Variants in TMEM132D observed in about 807,000 individuals in gnomAD.
The protein encoded by TMEM132D is mature OL transmembrane protein.
In TMEM132D, 21 loss-of-function variants were observed where a neutral mutation model predicts 62.3. The ratio of observed to expected loss-of-function variants is 0.34; its 90% confidence interval spans 0.24 to 0.49. TMEM132D has a LOEUF of 0.49. TMEM132D is among the 20% of genes least tolerant of loss of function. The pLI is 0.99. For missense variants in TMEM132D, 1,346 were observed against 1,402.8 expected (o/e 0.96, Z 0.65); for synonymous variants, 621 against 575.6 (o/e 1.08, Z -1.13).
intron 5 of TMEM132D, among the ~76,000 whole-genome samples, chr12:129,206,405 C>T (rs528108504): frequency 6.6e-6 from 1 of 152,218 alleles, no homozygotes; most frequent in East Asian, 1.9e-4. Context: ...CAATGAGATA[C>T]CATCTCACAC....
intron 3 of TMEM132D, among the ~76,000 whole-genome samples, chr12:129,455,618 C>T (rs1873440055): frequency 6.6e-6 from 1 of 152,080 alleles, no homozygotes; most frequent in South Asian, 2.1e-4. Context: ...TGTATTATTA[C>T]CAGGAATTCT....
rs547422425 is a variant in TMEM132D, at chr12:129,770,144, T to G, written c.80-69446A>C. Among the ~76,000 whole-genome samples, 317 of 90,698 alleles carry G rather than the reference T, an allele frequency of 3.5e-3. 3 individuals are homozygous for G. The highest frequency in any genetic ancestry group is 0.017 in the African/African-American group (298 of 17,612). 59.5% of individuals were successfully genotyped at this position (90,698 alleles called of 152,430 possible). On this transcript the variant is annotated intron_variant, in intron 1 of 8. Coordinates refer to ENST00000422113, the MANE Select transcript of TMEM132D (RefSeq NM_133448.3). The stretch of plus-strand genomic sequence containing the variant: ...GATTCTTTGTGGGTTTTTTTGGTTG[T>G]TTTTTTTTTTTTTTTTTGAGATCAG...
chr12:129,403,462 T>TAA (rs1871680513), intron 3 of TMEM132D, among the ~76,000 whole-genome samples: 1 of 151,616 alleles, frequency 6.6e-6, no homozygotes, highest in Non-Finnish European at 1.5e-5. Context: ...GAAACGGCAT[T>TAA]AATGCATTTA....
At chr12:129,342,448 G>A (rs1869527160) in intron 3 of TMEM132D, among the ~76,000 whole-genome samples, 1 of 151,452 alleles carries the variant, frequency 6.6e-6, no homozygotes, top group African/African-American at 2.4e-5. Flanking sequence ...AGACTTACAT[G>A]TTAGACCTAA....
intron 4 of TMEM132D, among the ~76,000 whole-genome samples, chr12:129,309,586 C>T (rs554667373): frequency 9.9e-5 from 15 of 152,238 alleles, no homozygotes; most frequent in South Asian, 4.2e-4. Flanking sequence ...GAACCCCACC[C>T]GGATCACTCA....
Position 129,600,171 on chromosome 12 carries a change from C to T in TMEM132D, c.969-68966G>A, listed in dbSNP as rs77059893. Reference sequence around the variant, plus strand: ...TGTAATATTCTAAATCCTTTGTTGTCGTTTCAACAATGCTCACACGTCCTC... The same window carrying T: ...TGTAATATTCTAAATCCTTTGTTGTTGTTTCAACAATGCTCACACGTCCTC... On this transcript the variant is annotated intron_variant, in intron 2 of 8. Transcript: ENST00000422113. Among the ~76,000 whole-genome samples, 1,244 of 152,312 alleles carry T rather than the reference C, an allele frequency of 8.2e-3. 17 individuals are homozygous for T. Among genetic ancestry groups the T allele is most frequent in the African/African-American group, 0.029 (1,194 of 41,574 alleles).
At chr12:129,261,399 T>C (rs1880546482) in intron 4 of TMEM132D, among the ~76,000 whole-genome samples, 1 of 152,138 alleles carries the variant, frequency 6.6e-6, no homozygotes, top group African/African-American at 2.4e-5. Context: ...GCAATTCATT[T>C]CCCTGCACAT....
intron 2 of TMEM132D, among the ~76,000 whole-genome samples, chr12:129,620,463 G>T (rs1427180933): frequency 6.6e-6 from 1 of 152,166 alleles, no homozygotes; most frequent in Non-Finnish European, 1.5e-5. Flanking sequence ...GCTGGGTATG[G>T]TGGCACATGC....
intron 5 of TMEM132D, among the ~76,000 whole-genome samples, chr12:129,166,716 T>TAC (rs1328831290): frequency 1.0e-4 from 9 of 87,086 alleles, no homozygotes; most frequent in Admixed American, 4.2e-4. Flanking sequence ...CACACACATA[T>TAC]ACACACACAC....
intron 2 of TMEM132D, among the ~76,000 whole-genome samples, chr12:129,689,947 T>C (rs1409827851): frequency 1.3e-5 from 2 of 152,210 alleles, no homozygotes; most frequent in African/African-American, 4.8e-5. Context: ...CTCCCAAATG[T>C]GGAGAGACAG....
intron 4 of TMEM132D, among the ~76,000 whole-genome samples, chr12:129,226,724 T>C (rs9804953): frequency 0.47 from 71,608 of 152,112 alleles, 17,588 homozygotes; most frequent in East Asian, 0.86. Flanking sequence ...TTGTGAAATG[T>C]TCTGTGAAGT....
At chr12:129,376,921 A>G (rs1290619367) in intron 3 of TMEM132D, among the ~76,000 whole-genome samples, 1 of 152,234 alleles carries the variant, frequency 6.6e-6, no homozygotes, top group Non-Finnish European at 1.5e-5. Flanking sequence ...TAAGGCAAGT[A>G]TACAAATATA....
At chr12:129,082,732 T>C (rs890508852) in intron 6 of TMEM132D, among the ~76,000 whole-genome samples, 3 of 152,164 alleles carry the variant, frequency 2.0e-5, no homozygotes, top group African/African-American at 7.2e-5. Context: ...TAATACGTGT[T>C]GTTCTTTCTC....
chr12:129,334,507 A>T (rs74775769), intron 4 of TMEM132D, among the ~76,000 whole-genome samples: 2 of 152,174 alleles, frequency 1.3e-5, no homozygotes, highest in Non-Finnish European at 2.9e-5. Flanking sequence ...ACTCAGAACC[A>T]CTACCAATAC....
At chr12:129,705,083 C>T (rs1565955967) in intron 1 of TMEM132D, among the ~76,000 whole-genome samples, 1 of 152,212 alleles carries the variant, frequency 6.6e-6, no homozygotes, top group East Asian at 1.9e-4. Context: ...TGAAGCTTTC[C>T]CTACAGCTAA....
At chr12:129,469,803 T>G (rs1874040849) in intron 3 of TMEM132D, among the ~76,000 whole-genome samples, 1 of 152,234 alleles carries the variant, frequency 6.6e-6, no homozygotes, top group Admixed American at 6.5e-5. Context: ...CAGAGTCACC[T>G]TCAAAGTGAA....
At chr12:129,687,606 T>C (rs2137213915) in intron 2 of TMEM132D, among the ~76,000 whole-genome samples, 1 of 152,194 alleles carries the variant, frequency 6.6e-6, no homozygotes, top group Admixed American at 6.5e-5. Context: ...GGACATTTTT[T>C]TCCTAGCACT....
At chr12:129,766,733 T>C (rs1870566102) in intron 1 of TMEM132D, among the ~76,000 whole-genome samples, 1 of 152,116 alleles carries the variant, frequency 6.6e-6, no homozygotes, top group African/African-American at 2.4e-5. Flanking sequence ...TCTATGCACC[T>C]CCTAGTGACT....
chr12:129,361,687 A>G (rs1334845572), intron 3 of TMEM132D, among the ~76,000 whole-genome samples: 1 of 152,154 alleles, frequency 6.6e-6, no homozygotes, highest in Non-Finnish European at 1.5e-5. Flanking sequence ...ACACAACTCT[A>G]TTGCAAAGGG....
Sources: gnomAD v4.1 joint callset for allele counts (sites outside exome capture counted in the v4.1 genomes callset) on GRCh38, gnomAD v4.1.1 for gene constraint, MANE v1.5 for transcripts, NCBI Gene and HGNC (gene_info 2026-07-23, HGNC 2026-07-21) for gene names.